LRIF1: variants seen among roughly 807,000 people sequenced by gnomAD.
LRIF1 encodes the protein ligand-dependent nuclear receptor-interacting factor 1.
In LRIF1, 32 loss-of-function variants were observed where a neutral mutation model predicts 52.7. That is an observed-to-expected ratio of 0.61 (90% CI 0.46 to 0.82). The LOEUF (loss-of-function observed/expected upper bound fraction) is 0.82. Ranked by LOEUF, LRIF1 falls within the 40% of genes least tolerant of loss-of-function variation. The probability of loss-of-function intolerance (pLI) is 0.00; values close to 1 mark genes in which losing one functional copy is unlikely to be tolerated. For missense variants in LRIF1, 887 were observed against 892.0 expected, an observed-to-expected ratio of 0.99 and a Z score of 0.07; for synonymous variants, 323 against 317.4, an observed-to-expected ratio of 1.02 and a Z score of -0.19.
chr1:110,935,673 A>C, the LRIF1 span, among the ~76,000 whole-genome samples: 5 of 152,296 alleles, frequency 3.3e-5, no homozygotes, highest in African/African-American at 1.2e-4. Flanking sequence ...AAAGAATAAA[A>C]AACAATAAAG....
chr1:110,892,592 G>A, the LRIF1 span: 1 of 1,369,088 alleles, frequency 7.3e-7, no homozygotes, highest in Non-Finnish European at 1.0e-6. Context: ...TAAATCCCAG[G>A]CAAGATGTTT....
chr1:110,912,630 A>G, the LRIF1 span, among the ~76,000 whole-genome samples: 1 of 152,364 alleles, frequency 6.6e-6, no homozygotes, highest in East Asian at 1.9e-4. Context: ...CACGGAGGTG[A>G]AAGATTTCTA....
At chr1:110,959,195 T>G (rs540830451) in intron 1 of LRIF1, among the ~76,000 whole-genome samples, 1 of 152,088 alleles carries the variant, frequency 6.6e-6, no homozygotes, top group Non-Finnish European at 1.5e-5. Flanking sequence ...TGAAAAATAA[T>G]ACAGTTTAAC....
chr1:110,910,423 AC>A, the LRIF1 span, among the ~76,000 whole-genome samples: 6 of 152,212 alleles, frequency 3.9e-5, no homozygotes, highest in Admixed American at 2.6e-4. Context: ...ACATGGTGAA[AC>A]CCCGTCTCTA....
At chr1:110,925,763 T>C in the LRIF1 span, among the ~76,000 whole-genome samples, 3 of 152,274 alleles carry the variant, frequency 2.0e-5, no homozygotes, top group Admixed American at 2.0e-4. Context: ...TCTGTTAGAA[T>C]TGGTTTATCC....
At chr1:110,935,666 G>T in the LRIF1 span, among the ~76,000 whole-genome samples, 1 of 151,776 alleles carries the variant, frequency 6.6e-6, no homozygotes, top group Non-Finnish European at 1.5e-5. Context: ...AGATAAAAAA[G>T]AATAAAAAAC....
Position 110,952,171 on chromosome 1 carries a change from A to T in LRIF1, c.713T>A (p.Val238Glu), listed in dbSNP as rs778528380. The change falls in exon 2 of 4, where the codon GTG (valine) becomes GAG (glutamate). Residue 238 changes from valine (V) to glutamate (E), a missense_variant. Val to Glu is a moderately radical substitution (Grantham distance 121). Coordinates refer to ENST00000369763, the MANE Select transcript of LRIF1 (RefSeq NM_018372.4). ...AAAGTTCTTGGTAACTACATTTTTC[A>T]CTGTATTTACAGGAGATACATAAAT... ...TVIYVSPVNT[V>E]KNVVTKNFQN... 4 of 1,614,084 alleles carry T rather than the reference A, an allele frequency of 2.5e-6. No homozygotes were observed. In the African/African-American group the frequency reaches 5.3e-5, roughly 22 times the overall value.
the LRIF1 span, among the ~76,000 whole-genome samples, chr1:110,898,364 G>A: frequency 2.2e-5 from 3 of 137,708 alleles, no homozygotes; most frequent in Middle Eastern, 3.9e-3. Flanking sequence ...GCGACAGAGC[G>A]AGACTCTGTC....
rs968268139 is a variant in LRIF1, at chr1:110,949,994, G to A, written c.1726C>T (p.Leu576Phe). 2.5e-6 allele frequency: 4 copies of A among 1,614,084 alleles called. No individual in the cohort carries two copies. Among genetic ancestry groups the A allele is most frequent in the Non-Finnish European group, 3.4e-6 (4 of 1,180,012 alleles). The change falls in exon 3 of 4, where the codon CTT becomes TTT. Residue 576 changes from leucine (L) to phenylalanine (F), a missense_variant. Leu to Phe is a conservative substitution (Grantham distance 22, BLOSUM62 0). Transcript: ENST00000369763. ...SDAEFKKIFG[L>F]TKDLRVCLTR... ...AGGCACACTCTCAAATCCTTAGTAA[G>A]GCCAAATATCTTTTTAAATTCAGCA...
the LRIF1 span, among the ~76,000 whole-genome samples, chr1:110,898,785 C>T: frequency 6.6e-6 from 1 of 152,070 alleles, no homozygotes; most frequent in African/African-American, 2.4e-5. Flanking sequence ...TGTTTGGAAA[C>T]AAAGGAGGCA....
At chr1:110,903,328 A>C in the LRIF1 span, among the ~76,000 whole-genome samples, 1 of 152,046 alleles carries the variant, frequency 6.6e-6, no homozygotes. Flanking sequence ...CCTTCCCCTA[A>C]CCCCAGGCTG....
the LRIF1 span, among the ~76,000 whole-genome samples, chr1:110,887,436 G>T: frequency 6.6e-6 from 1 of 152,032 alleles, no homozygotes; most frequent in African/African-American, 2.4e-5. Context: ...TTCATCTATC[G>T]CCATATTATA....
At chr1:110,957,090 T>C (rs767591726) in intron 1 of LRIF1, among the ~76,000 whole-genome samples, 2 of 152,072 alleles carry the variant, frequency 1.3e-5, no homozygotes, top group African/African-American at 2.4e-5. Flanking sequence ...ATTTTCTGCA[T>C]TCTAAGCATT....
At chr1:110,943,570 C>A (rs1658137688), downstream of LRIF1, 1 of 151,988 alleles carries the variant, frequency 6.6e-6, no homozygotes, top group South Asian at 2.1e-4. Flanking sequence ...CTAATTTAAT[C>A]TCTTCTTCTT....
chr1:110,882,261 A>G, the LRIF1 span, among the ~76,000 whole-genome samples: 9 of 152,098 alleles, frequency 5.9e-5, no homozygotes, highest in Non-Finnish European at 1.3e-4. Context: ...ACTAGTTACG[A>G]TTTCGTATGG....
At chr1:110,942,954 T>C (rs1162579886), downstream of LRIF1, among the ~76,000 whole-genome samples, 2 of 151,850 alleles carry the variant, frequency 1.3e-5, no homozygotes, top group Non-Finnish European at 2.9e-5. Flanking sequence ...AGATGTAAAA[T>C]AAGAGACATA....
chr1:110,884,689 A>AAT, the LRIF1 span, among the ~76,000 whole-genome samples: 3 of 151,924 alleles, frequency 2.0e-5, no homozygotes, highest in African/African-American at 7.2e-5. Flanking sequence ...GTCCCTTTAT[A>AAT]AAGTAATCTT....
chr1:110,913,252 A>T, the LRIF1 span, among the ~76,000 whole-genome samples: 1 of 152,248 alleles, frequency 6.6e-6, no homozygotes, highest in East Asian at 1.9e-4. Flanking sequence ...ACCATTCTAG[A>T]CATAGGTCTT....
the LRIF1 span, chr1:110,894,216 G>A: frequency 1.2e-6 from 1 of 867,318 alleles, no homozygotes; most frequent in South Asian, 1.4e-5. Flanking sequence ...TGAGGAGGCA[G>A]AACAGGAACA....
Sources: allele counts gnomAD v4.1 joint callset (sites outside exome capture counted in the v4.1 genomes callset), GRCh38; gene constraint gnomAD v4.1.1; transcripts MANE v1.5; gene names NCBI Gene and HGNC (gene_info 2026-07-23, HGNC 2026-07-21).